The following ADGRA3 variants were observed in gnomAD, a reference collection of about 807,000 sequenced individuals.
The protein encoded by ADGRA3 is adhesion G protein-coupled receptor A3, also known as G-protein coupled receptor 125.
A neutral mutation model predicts 119.8 loss-of-function variants in ADGRA3; 56 were observed. The observed-to-expected ratio is 0.47, with a 90% CI of 0.38 to 0.58. ADGRA3 has a LOEUF of 0.58. ADGRA3 is among the 20% of genes least tolerant of loss of function. The pLI is 0.00. For synonymous variants in ADGRA3, 607 were observed against 623.8 expected (o/e 0.97, Z 0.40); for missense variants, 1,516 against 1,649.0 (o/e 0.92, Z 1.40).
At chr4:22,408,604 A>G (rs1412042587) in intron 14 of ADGRA3, among the ~76,000 whole-genome samples, 1 of 152,158 alleles carries the variant, frequency 6.6e-6, no homozygotes, top group Non-Finnish European at 1.5e-5. Flanking sequence ...ACATCACAAC[A>G]CTACCACCAG....
chr4:22,491,750 G>T (rs1236424798), intron 1 of ADGRA3, among the ~76,000 whole-genome samples: 1 of 152,094 alleles, frequency 6.6e-6, no homozygotes, highest in Non-Finnish European at 1.5e-5. Flanking sequence ...ACTTGTTCTT[G>T]TTGTATCTGG....
chr4:22,410,240 T>C (rs558530917), intron 14 of ADGRA3, among the ~76,000 whole-genome samples: 4 of 152,330 alleles, frequency 2.6e-5, no homozygotes, highest in African/African-American at 9.6e-5. Flanking sequence ...GTGATTAAAG[T>C]ATTAAGCACT....
intron 4 of ADGRA3, among the ~76,000 whole-genome samples, chr4:22,454,296 T>C (rs1331205016): frequency 6.6e-6 from 1 of 152,170 alleles, no homozygotes; most frequent in Non-Finnish European, 1.5e-5. Flanking sequence ...ATTATAACTT[T>C]GAGCTACTAT....
At chr4:22,440,566 G>A (rs773968599) in intron 7 of ADGRA3, among the ~76,000 whole-genome samples, 38 of 152,084 alleles carry the variant, frequency 2.5e-4, no homozygotes, top group Non-Finnish European at 4.9e-4. Flanking sequence ...AAAATGTTAG[G>A]TTAACTTGTT....
chr4:22,451,779 T>G (rs115843314), intron 4 of ADGRA3, among the ~76,000 whole-genome samples: 24 of 152,132 alleles, frequency 1.6e-4, no homozygotes, highest in Non-Finnish European at 3.4e-4. Flanking sequence ...AGAACAGTGA[T>G]CCACTCTAGA....
At chr4:22,414,347 T>A in intron 12 of ADGRA3, 1 of 362,526 alleles carries the variant, frequency 2.8e-6, no homozygotes, top group Non-Finnish European at 4.9e-6. Flanking sequence ...TCCTTGAGAC[T>A]AGGAAACACA....
rs139765085 is a variant in ADGRA3, at chr4:22,485,034, G to C, written c.258-11191C>G. On this transcript the variant is annotated intron_variant, in intron 1 of 18. Transcript: ENST00000334304. ...TTTTCCAGAAGACTAATTTTCTTAAGTCCTTGGTTGTTTCCATTTCTCCCT... is the reference window on the plus strand; with the variant it reads ...TTTTCCAGAAGACTAATTTTCTTAACTCCTTGGTTGTTTCCATTTCTCCCT... Among the ~76,000 whole-genome samples, 3 of 152,062 alleles carry C rather than the reference G, an allele frequency of 2.0e-5. No homozygotes were observed. In the East Asian group the frequency reaches 5.8e-4, roughly 29 times the overall value.
intron 3 of ADGRA3, among the ~76,000 whole-genome samples, chr4:22,460,246 T>C (rs2109099945): frequency 6.6e-6 from 1 of 152,334 alleles, no homozygotes; most frequent in Middle Eastern, 3.4e-3. Flanking sequence ...GTATTTTCAC[T>C]AACGACTGAA....
In ADGRA3 at chr4:22,413,301, C is replaced by T. The variant is rs768480545; in HGVS notation, c.2113G>A (p.Asp705Asn). The change falls in exon 14 of 19, where the codon GAT (aspartate) becomes AAT (asparagine). Residue 705 changes from aspartate (D) to asparagine (N), a missense_variant. By Grantham distance (23) the Asp-to-Asn change is conservative (BLOSUM62 1). Transcript: ENST00000334304. ...CCTTGTCCGTTCAGCAAATCGAAAT[C>T]CCACCGGGCTGCAACAGCATCTGCT... Reference protein sequence around the residue: ...HGADAVAARWDFDLLNGQGGW... With the variant: ...HGADAVAARWNFDLLNGQGGW... 6.2e-7 allele frequency: 1 copy of T among 1,613,962 alleles called. No individual in the cohort carries two copies. The highest frequency in any genetic ancestry group is 1.3e-5 in the African/African-American group (1 of 74,914).
Position 22,387,939 on chromosome 4 carries a change from G to C in ADGRA3, c.3732C>G (p.Ser1244Arg), listed in dbSNP as rs1169737414. The change falls in exon 19 of 19, where the codon AGC (serine) becomes AGG (arginine). Residue 1244 changes from serine to arginine, a missense_variant. Ser to Arg is a moderately radical substitution (Grantham distance 110). This residue lies in a region of ADGRA3 where 1,088 missense variants were observed against 1,107.1 expected (regional missense o/e 0.98). Transcript: ENST00000334304. ...PPQQDSSDACSTLPKSSRNFE... is the reference protein window; with the variant it reads ...PPQQDSSDACRTLPKSSRNFE... ...AATTTCTGCTACTTTTGGGAAGTGTGCTACAAGCATCGCTGCTGTCTTGCT... is the reference window on the plus strand; with the variant it reads ...AATTTCTGCTACTTTTGGGAAGTGTCCTACAAGCATCGCTGCTGTCTTGCT... 14 of 1,614,178 alleles carry C rather than the reference G, an allele frequency of 8.7e-6. No individual in the cohort carries two copies. Among genetic ancestry groups the C allele is most frequent in the Non-Finnish European group, 1.2e-5 (14 of 1,180,024 alleles).
intron 16 of ADGRA3, among the ~76,000 whole-genome samples, chr4:22,400,895 C>T (rs1714606779): frequency 6.6e-6 from 1 of 151,996 alleles, no homozygotes; most frequent in African/African-American, 2.4e-5. Flanking sequence ...ATTTTCTATT[C>T]ATAGATTGAA....
chr4:22,442,392 C>T (rs1716649548), intron 7 of ADGRA3, among the ~76,000 whole-genome samples: 1 of 151,938 alleles, frequency 6.6e-6, no homozygotes, highest in African/African-American at 2.4e-5. Context: ...TTACATTTTT[C>T]CTCCAAAAAC....
At chr4:22,471,209 G>A (rs1208111515) in intron 2 of ADGRA3, among the ~76,000 whole-genome samples, 1 of 151,996 alleles carries the variant, frequency 6.6e-6, no homozygotes, top group Non-Finnish European at 1.5e-5. Flanking sequence ...ACTAACACAG[G>A]AACAGAAAAC....
At chr4:22,469,052 T>TG (rs1717765855) in intron 2 of ADGRA3, among the ~76,000 whole-genome samples, 1 of 151,908 alleles carries the variant, frequency 6.6e-6, no homozygotes, top group African/African-American at 2.4e-5. Context: ...ATCAATTACC[T>TG]GGGGAAAAAA....
At chr4:22,463,659 A>G (rs1717555703) in intron 2 of ADGRA3, among the ~76,000 whole-genome samples, 1 of 152,240 alleles carries the variant, frequency 6.6e-6, no homozygotes, top group African/African-American at 2.4e-5. Context: ...TATACATGGC[A>G]TGCCTCATAA....
intron 1 of ADGRA3, among the ~76,000 whole-genome samples, chr4:22,500,851 CT>C (rs1201888334): frequency 2.0e-5 from 3 of 152,274 alleles, no homozygotes; most frequent in East Asian, 3.9e-4. Context: ...GACTGGTCCT[CT>C]TTAAGTAGAC....
At chr4:22,413,089 A>C (rs1199986556) in intron 14 of ADGRA3, 93 bp downstream of exon 14, 7 of 981,314 alleles carry the variant, frequency 7.1e-6, no homozygotes, top group African/African-American at 3.4e-5. Context: ...AAAAAAAAAA[A>C]AACAAAAAAC....
intron 10 of ADGRA3, among the ~76,000 whole-genome samples, chr4:22,426,627 T>C (rs1423426366): frequency 1.3e-5 from 2 of 152,192 alleles, no homozygotes; most frequent in Admixed American, 1.3e-4. Context: ...TAAAAAGTGA[T>C]TTAGATTGTG....
At chr4:22,484,228 T>C (rs1411066005) in intron 1 of ADGRA3, among the ~76,000 whole-genome samples, 1 of 152,158 alleles carries the variant, frequency 6.6e-6, no homozygotes, top group Non-Finnish European at 1.5e-5. Context: ...ATCAGGTAAA[T>C]CTGGGTAAAA....
Sources: gnomAD v4.1 joint callset for allele counts (sites outside exome capture counted in the v4.1 genomes callset) on GRCh38, gnomAD v4.1.1 for gene constraint, gnomAD v4.1.1 regional missense constraint, MANE v1.5 for transcripts, NCBI Gene and HGNC (gene_info 2026-07-23, HGNC 2026-07-21) for gene names.